The following ZNF804B variants were observed in gnomAD, a reference collection of about 807,000 sequenced individuals.
ZNF804B encodes zinc finger protein 804B, also known as zinc finger 804B.
In ZNF804B, 80 loss-of-function variants were observed where a neutral mutation model predicts 101.4. The observed-to-expected ratio is 0.79, with a 90% confidence interval of 0.66 to 0.95. ZNF804B has a LOEUF of 0.95. Ranked by LOEUF, ZNF804B falls within the 40% of genes least tolerant of loss-of-function variation. The pLI, the probability that ZNF804B is intolerant of heterozygous loss-of-function variation, is 0.00. For missense variants in ZNF804B, 1,673 were observed against 1,561.9 expected (o/e 1.07, Z -1.20); for synonymous variants, 622 against 558.8 (o/e 1.11, Z -1.59).
At chr7:89,275,259 TA>T (rs1334353629) in intron 2 of ZNF804B, among the ~76,000 whole-genome samples, 1 of 151,994 alleles carries the variant, frequency 6.6e-6, no homozygotes, top group Non-Finnish European at 1.5e-5. Flanking sequence ...TTCTCTACTT[TA>T]AAAATTTAGC....
Position 88,882,233 on chromosome 7 carries a change from C to T in ZNF804B, c.108+122149C>T, listed in dbSNP as rs535334491. Among the ~76,000 whole-genome samples the T allele has an allele frequency of 2.0e-5, 3 of 152,162 alleles. No individual in the cohort carries two copies. The South Asian group carries it at 6.2e-4, about 32-fold the overall frequency. On this transcript the variant is annotated intron_variant, in intron 1 of 3. Transcript: ENST00000333190. Reference sequence around the variant, plus strand: ...CTAAAGAACATGAGCAGACACTTTTCAAAAGAAGACATACAAATGGCCAAT... The same window carrying T: ...CTAAAGAACATGAGCAGACACTTTTTAAAAGAAGACATACAAATGGCCAAT...
At chr7:88,888,726 T>C (rs1244882277) in intron 1 of ZNF804B, among the ~76,000 whole-genome samples, 2 of 152,222 alleles carry the variant, frequency 1.3e-5, no homozygotes, top group African/African-American at 4.8e-5. Flanking sequence ...ATTTTAGTAT[T>C]TTAAAGAGGT....
At chr7:89,224,102 C>T (rs757001480) in intron 2 of ZNF804B, among the ~76,000 whole-genome samples, 2 of 151,968 alleles carry the variant, frequency 1.3e-5, no homozygotes, top group African/African-American at 4.8e-5. Flanking sequence ...AGAACTCTCT[C>T]CTGCCCCAGG....
intron 1 of ZNF804B, among the ~76,000 whole-genome samples, chr7:88,834,771 G>A (rs867132440): frequency 3.3e-5 from 5 of 151,408 alleles, no homozygotes; most frequent in East Asian, 1.9e-4. Flanking sequence ...ACTATTTTTC[G>A]CCATTCAATC....
At chr7:89,144,506 T>C (rs547385594) in intron 1 of ZNF804B, among the ~76,000 whole-genome samples, 11 of 151,876 alleles carry the variant, frequency 7.2e-5, no homozygotes, top group Non-Finnish European at 1.5e-4. Context: ...GTGGAACTAA[T>C]AGGAATGCAG....
At position 89,334,696 on chromosome 7, in the gene ZNF804B, G is replaced by T; in HGVS notation, c.1714G>T (p.Asp572Tyr). The change falls in exon 4 of 4, where the codon GAT (aspartate) becomes TAT (tyrosine). Residue 572 changes from aspartate to tyrosine, a missense_variant. By Grantham distance (160) the Asp-to-Tyr change is radical. Coordinates refer to ENST00000333190, the MANE Select transcript of ZNF804B (RefSeq NM_181646.5). The part of the protein sequence containing the change: ...NKSEYTFSAN[D>Y]LEMKNPKVPL... ...GAGTGAATATACTTTCAGTGCAAAT[G>T]ATTTGGAAATGAAAAATCCTAAAGT... 1 of 1,613,628 alleles carries T rather than the reference G, an allele frequency of 6.2e-7. No individual in the cohort carries two copies. Among genetic ancestry groups the T allele is most frequent in the Non-Finnish European group, 8.5e-7 (1 of 1,179,784 alleles).
intron 1 of ZNF804B, among the ~76,000 whole-genome samples, chr7:88,925,905 A>T (rs933552044): frequency 6.6e-6 from 1 of 152,300 alleles, no homozygotes. Context: ...ATGCTAGGTG[A>T]TCTTCAGAAT....
chr7:89,156,046 TTCTTTCTTTCTTTCTTTCTTTCTTTCTC>T (rs2116412773), intron 1 of ZNF804B, among the ~76,000 whole-genome samples: 1 of 88,814 alleles, frequency 1.1e-5, no homozygotes, highest in South Asian at 4.0e-4. Flanking sequence ...CTTTCTTTCT[TTCTTTCTTTCTTTCTTTCTTTCTTTCTC>T]TCTTTCTCTC....
At chr7:88,881,085 A>G (rs1288381777) in intron 1 of ZNF804B, among the ~76,000 whole-genome samples, 2 of 152,076 alleles carry the variant, frequency 1.3e-5, no homozygotes, top group Non-Finnish European at 2.9e-5. Flanking sequence ...AATGAATAAT[A>G]TGTCTTCATC....
rs376352610 is a variant in ZNF804B at position 89,329,752 on chromosome 7, A to C, written c.380+2278A>C. 2.8e-4 allele frequency among the ~76,000 whole-genome samples: 42 copies of C among 151,640 alleles called. No homozygotes were observed. The East Asian group carries it at 8.0e-3, about 29-fold the overall frequency. ...AAGTTTTAGTACATCTTAATATGGA[A>C]ATTTTTCCAAAATTTAAAAATTTTA... On this transcript the variant is annotated intron_variant, in intron 3 of 3. Coordinates refer to ENST00000333190, the MANE Select transcript of ZNF804B (RefSeq NM_181646.5).
chr7:88,852,528 T>C lies in ZNF804B; in HGVS notation c.108+92444T>C, dbSNP rs182620200. On this transcript the variant is annotated intron_variant, in intron 1 of 3. Transcript: ENST00000333190. ...CAATAAGACTCAGATTAAAAATGAC[T>C]GACCCCATGAGGAAAAGGACCCATT... Among the ~76,000 whole-genome samples the C allele has an allele frequency of 2.1e-3, 319 of 152,154 alleles. 1 individual carries two copies. The highest frequency in any genetic ancestry group is 7.2e-3 in the African/African-American group (300 of 41,542).
chr7:89,333,112 A>G (rs1791012306), intron 3 of ZNF804B, among the ~76,000 whole-genome samples: 1 of 152,044 alleles, frequency 6.6e-6, no homozygotes, highest in South Asian at 2.1e-4. Context: ...CTTTAGAAGC[A>G]GTAGCATAAG....
At chr7:89,036,609 A>G (rs1026767702) in intron 1 of ZNF804B, among the ~76,000 whole-genome samples, 10 of 152,160 alleles carry the variant, frequency 6.6e-5, no homozygotes, top group Non-Finnish European at 1.5e-4. Context: ...TATCAACTCT[A>G]TACAGAAACT....
rs61374091 is a variant in ZNF804B, at chr7:89,007,446, TTATATATATATA to T, written c.109-210681_109-210670del. On this transcript the variant is annotated intron_variant, in intron 1 of 3. Coordinates refer to ENST00000333190, the MANE Select transcript of ZNF804B (RefSeq NM_181646.5). ...ATGTTATCTAAAGTTATCCATGATT[TTATATATATATA>T]TATATATATATATATATATATATAT... Among the ~76,000 whole-genome samples, 341 of 57,198 alleles carry T rather than the reference TTATATATATATA, an allele frequency of 6.0e-3. 4 individuals carry two copies. The highest frequency in any genetic ancestry group is 7.5e-3 in the Non-Finnish European group (237 of 31,620). The allele number at this position is 57,198 out of a possible 152,430, so 37.5% of individuals were successfully genotyped here.
chr7:88,774,282 T>G (rs73198617), intron 1 of ZNF804B, among the ~76,000 whole-genome samples: 5,236 of 151,754 alleles, frequency 0.035, 107 homozygotes, highest in Middle Eastern at 0.045. Flanking sequence ...GAAAGGCTCC[T>G]GTTAATCCTC....
intron 2 of ZNF804B, among the ~76,000 whole-genome samples, chr7:89,279,113 A>G (rs1790037315): frequency 6.6e-6 from 1 of 152,072 alleles, no homozygotes; most frequent in African/African-American, 2.4e-5. Context: ...CTTTGAAGCA[A>G]TTGTGAATGG....
intron 1 of ZNF804B, among the ~76,000 whole-genome samples, chr7:89,182,618 G>C (rs1788314221): frequency 6.6e-6 from 1 of 152,056 alleles, no homozygotes; most frequent in Admixed American, 6.5e-5. Context: ...CATTACTCCA[G>C]AGAACTCAAA....
intron 1 of ZNF804B, among the ~76,000 whole-genome samples, chr7:88,844,108 A>G (rs527805851): frequency 6.6e-6 from 1 of 152,238 alleles, no homozygotes; most frequent in South Asian, 2.1e-4. Context: ...CCTTTTTGCT[A>G]AATTATTTTA....
At chr7:89,175,642 GTGTAGATTGCTTT>G (rs1210069959) in intron 1 of ZNF804B, among the ~76,000 whole-genome samples, 1 of 151,924 alleles carries the variant, frequency 6.6e-6, no homozygotes, top group African/African-American at 2.4e-5. Context: ...TGCATTCAAT[GTGTAGATTGCTTT>G]TGGTAGTATG....
Sources: gnomAD v4.1 joint callset for allele counts (sites outside exome capture counted in the v4.1 genomes callset) on GRCh38, gnomAD v4.1.1 for gene constraint, MANE v1.5 for transcripts, NCBI Gene and HGNC (gene_info 2026-07-23, HGNC 2026-07-21) for gene names.